The following LRP1B variants were observed in gnomAD, a reference collection of about 807,000 sequenced individuals.
LRP1B encodes low-density lipoprotein receptor-related protein 1B.
A neutral mutation model predicts 556.6 loss-of-function variants in LRP1B; 217 were observed. That is an observed-to-expected ratio of 0.39 (90% CI 0.35 to 0.44). The LOEUF (loss-of-function observed/expected upper bound fraction) is 0.44. Ranked by LOEUF, LRP1B falls within the 20% of genes least tolerant of loss-of-function variation. The pLI is 1.00. For missense variants in LRP1B, 5,053 were observed against 5,620.8 expected, an observed-to-expected ratio of 0.90 and a Z score of 3.23; for synonymous variants, 2,047 against 1,865.8, an observed-to-expected ratio of 1.10 and a Z score of -2.50.
chr2:140,536,507 A>C, intron 46 of LRP1B, 74 bp downstream of exon 46: 1 of 1,445,398 alleles, frequency 6.9e-7, no homozygotes, highest in Non-Finnish European at 9.5e-7. Flanking sequence ...AACCACACCG[A>C]GACAAGCAAA....
intron 86 of LRP1B, among the ~76,000 whole-genome samples, chr2:140,262,110 T>C (rs1681972096): frequency 2.0e-5 from 3 of 151,974 alleles, no homozygotes; most frequent in African/African-American, 7.2e-5. Flanking sequence ...TACAAAAATA[T>C]GGACTTTCAA....
At chr2:140,411,102 A>T (rs991969949) in intron 66 of LRP1B, among the ~76,000 whole-genome samples, 5 of 152,154 alleles carry the variant, frequency 3.3e-5, no homozygotes, top group Non-Finnish European at 7.4e-5. Flanking sequence ...ATTCAGCATT[A>T]GGGAGCCAAG....
chr2:140,562,506 G>A (rs1210048678), intron 43 of LRP1B, among the ~76,000 whole-genome samples: 2 of 152,134 alleles, frequency 1.3e-5, no homozygotes, highest in Admixed American at 1.3e-4. Flanking sequence ...TTTGCTGTAA[G>A]TTGAGAAGTA....
intron 35 of LRP1B, among the ~76,000 whole-genome samples, chr2:140,735,595 T>C (rs1357804538): frequency 6.6e-6 from 1 of 152,094 alleles, no homozygotes; most frequent in Non-Finnish European, 1.5e-5. Flanking sequence ...TGGATGTATG[T>C]CTTTGAGGGG....
At chr2:140,282,104 T>C (rs1371337519) in intron 84 of LRP1B, among the ~76,000 whole-genome samples, 1 of 151,828 alleles carries the variant, frequency 6.6e-6, no homozygotes, top group Non-Finnish European at 1.5e-5. Flanking sequence ...CTCCAAGATA[T>C]CCTTTGGCCA....
intron 1 of LRP1B, among the ~76,000 whole-genome samples, chr2:141,888,655 C>A (rs2104908557): frequency 6.6e-6 from 1 of 152,130 alleles, no homozygotes. Context: ...AAAGCATATT[C>A]AAGAATATGG....
intron 1 of LRP1B, among the ~76,000 whole-genome samples, chr2:141,870,616 A>G (rs1698552463): frequency 6.6e-6 from 1 of 151,970 alleles, no homozygotes; most frequent in Non-Finnish European, 1.5e-5. Context: ...TCTTGCTTGC[A>G]TTTACATTTT....
intron 65 of LRP1B, 86 bp from the exon 66 acceptor site, chr2:140,442,709 C>T: frequency 4.5e-6 from 6 of 1,335,098 alleles, no homozygotes; most frequent in East Asian, 2.3e-5. Flanking sequence ...ATGTTTAAGA[C>T]AGTTTATCGA....
At chr2:141,092,468 A>G (rs1700192861) in intron 7 of LRP1B, among the ~76,000 whole-genome samples, 1 of 152,226 alleles carries the variant, frequency 6.6e-6, no homozygotes, top group South Asian at 2.1e-4. Context: ...GGATGTACAC[A>G]TCTGAAAGTC....
chr2:142,020,773 T>C (rs1703303802), intron 1 of LRP1B, among the ~76,000 whole-genome samples: 2 of 152,234 alleles, frequency 1.3e-5, no homozygotes, highest in South Asian at 4.1e-4. Context: ...GGTGTAAGTT[T>C]AATTAGAATT....
At chr2:141,461,665 T>C (rs1181587205) in intron 3 of LRP1B, among the ~76,000 whole-genome samples, 4 of 152,214 alleles carry the variant, frequency 2.6e-5, no homozygotes, top group African/African-American at 9.6e-5. Context: ...AACCATACTT[T>C]TGAAGACTGA....
At chr2:141,974,971 A>AT (rs1050099577) in intron 1 of LRP1B, among the ~76,000 whole-genome samples, 46 of 151,962 alleles carry the variant, frequency 3.0e-4, no homozygotes, top group Admixed American at 6.6e-5. Context: ...TTGCACATCC[A>AT]TTTTTTTATT....
intron 66 of LRP1B, among the ~76,000 whole-genome samples, chr2:140,392,463 G>A (rs1011077827): frequency 1.3e-5 from 2 of 151,874 alleles, no homozygotes; most frequent in African/African-American, 4.8e-5. Context: ...TAAATTGTGT[G>A]ATCAGTGCAA....
chr2:140,681,560 C>A (rs1044786572), intron 41 of LRP1B, among the ~76,000 whole-genome samples: 5 of 151,884 alleles, frequency 3.3e-5, no homozygotes, highest in African/African-American at 1.2e-4. Flanking sequence ...TGAGACTAAG[C>A]TGACACTGTT....
intron 1 of LRP1B, among the ~76,000 whole-genome samples, chr2:141,852,852 T>TA (rs1697912113): frequency 6.6e-6 from 1 of 150,610 alleles, no homozygotes; most frequent in South Asian, 2.1e-4. Context: ...ATATTGTTTT[T>TA]AAAAAATCTA....
chr2:141,972,754 A>G (rs569631214), intron 1 of LRP1B, among the ~76,000 whole-genome samples: 1 of 151,794 alleles, frequency 6.6e-6, no homozygotes, highest in South Asian at 2.1e-4. Flanking sequence ...AGGAAATTGA[A>G]TCCTAGTGAT....
At chr2:141,703,240 G>A (rs1692012208) in intron 2 of LRP1B, among the ~76,000 whole-genome samples, 1 of 151,832 alleles carries the variant, frequency 6.6e-6, no homozygotes, top group Non-Finnish European at 1.5e-5. Context: ...AAATACAGGT[G>A]TTATAAGGAA....
Position 140,501,771 on chromosome 2 carries a change from C to G in LRP1B, c.8766G>C (p.Glu2922Asp), listed in dbSNP as rs2104891179. Reference sequence around the variant, plus strand: ...AACATTCATTTATATGGCAGTTTCTCTCATCTGAACCATCGCCACAGTCAT... The same window carrying G: ...AACATTCATTTATATGGCAGTTTCTGTCATCTGAACCATCGCCACAGTCAT... ...NKDDCGDGSD[E>D]RNCHINECLS... The change falls in exon 55 of 91, where the codon GAG becomes GAC. Residue 2922 changes from glutamate (E) to aspartate (D), a missense_variant. Physicochemically the swap from Glu to Asp is conservative, Grantham distance 45. Transcript: ENST00000389484. The G allele has an allele frequency of 6.2e-7, 1 of 1,612,842 alleles. No homozygotes were observed. The highest frequency in any genetic ancestry group is 8.5e-7 in the Non-Finnish European group (1 of 1,179,190).
chr2:141,277,270 T>C (rs193178975), intron 3 of LRP1B, among the ~76,000 whole-genome samples: 5 of 152,328 alleles, frequency 3.3e-5, no homozygotes, highest in African/African-American at 1.2e-4. Context: ...TGTATAAGCA[T>C]TCCCTTTTCA....
Sources: gnomAD v4.1 joint callset for allele counts (sites outside exome capture counted in the v4.1 genomes callset) on GRCh38, gnomAD v4.1.1 for gene constraint, MANE v1.5 for transcripts, NCBI Gene and HGNC (gene_info 2026-07-23, HGNC 2026-07-21) for gene names.